Variants in GABRB2 observed in about 807,000 individuals in gnomAD.
The protein encoded by GABRB2 is gamma-aminobutyric acid type A receptor subunit beta2, also known as gamma-aminobutyric acid receptor subunit beta-2.
GABRB2 carries 16 observed loss-of-function variants against 54.7 expected under a neutral mutation model. That is an observed-to-expected ratio of 0.29 (90% CI 0.20 to 0.44). The LOEUF (loss-of-function observed/expected upper bound fraction) is 0.44. Among genes scored for constraint, GABRB2 ranks in the 20% least tolerant of loss-of-function variants. GABRB2 has a pLI of 1.00. For missense variants in GABRB2, 355 were observed against 644.0 expected, an observed-to-expected ratio of 0.55 and a Z score of 4.86; for synonymous variants, 244 against 233.8, an observed-to-expected ratio of 1.04 and a Z score of -0.40.
At chr5:161,546,948 T>A, upstream of GABRB2, 1 of 322,936 alleles carries the variant, frequency 3.1e-6, no homozygotes, top group Non-Finnish European at 5.4e-6. Context: ...ACAAAATAAC[T>A]ACAGCGTCTG....
intron 3 of GABRB2, among the ~76,000 whole-genome samples, chr5:161,513,421 T>C (rs1759838909): frequency 6.6e-6 from 1 of 152,014 alleles, no homozygotes; most frequent in Non-Finnish European, 1.5e-5. Context: ...AAATGTGGTA[T>C]ATATATACAA....
At position 161,290,064 on chromosome 5, in the gene GABRB2, G is replaced by A. The variant is rs1757194967; in HGVS notation, c.*4017C>T. 1 of 152,446 alleles carries A rather than the reference G, an allele frequency of 6.6e-6. No homozygotes were observed. Among genetic ancestry groups the A allele is most frequent in the African/African-American group, 2.4e-5 (1 of 41,386 alleles). The allele number at this position is 152,446 out of a possible 1,614,324, so 9.4% of individuals were successfully genotyped here. ...AAGCCATAAACGGAATTAGCACATT[G>A]CCTTACCATAAAATACAAATTAGAA... On this transcript the variant is annotated 3_prime_UTR_variant, in exon 10 of 10. Coordinates refer to ENST00000393959, the MANE Select transcript of GABRB2 (RefSeq NM_001371727.1).
chr5:161,524,520 T>C (rs2113439260), intron 3 of GABRB2, among the ~76,000 whole-genome samples: 1 of 151,540 alleles, frequency 6.6e-6, no homozygotes, highest in East Asian at 1.9e-4. Flanking sequence ...TGTTGTGACT[T>C]AACAGTTAGC....
chr5:161,387,537 T>C (rs1421510445), intron 5 of GABRB2, among the ~76,000 whole-genome samples: 1 of 152,158 alleles, frequency 6.6e-6, no homozygotes, highest in Non-Finnish European at 1.5e-5. Context: ...GCATGTCCAT[T>C]AAAATCACTG....
At chr5:161,434,058 A>G (rs1393483882) in intron 4 of GABRB2, among the ~76,000 whole-genome samples, 2 of 152,178 alleles carry the variant, frequency 1.3e-5, no homozygotes, top group African/African-American at 4.8e-5. Context: ...AATATTTTCA[A>G]AGAAAAAGCA....
At chr5:161,343,301 T>C (rs1754227328) in intron 5 of GABRB2, among the ~76,000 whole-genome samples, 1 of 151,988 alleles carries the variant, frequency 6.6e-6, no homozygotes, top group Non-Finnish European at 1.5e-5. Context: ...GATTATCTAG[T>C]GGCATCTTAG....
At chr5:161,442,750 C>G (rs945133771) in intron 4 of GABRB2, among the ~76,000 whole-genome samples, 1 of 151,368 alleles carries the variant, frequency 6.6e-6, no homozygotes, top group Non-Finnish European at 1.5e-5. Flanking sequence ...CTTTTCAATT[C>G]TCTCTCTCTC....
intron 5 of GABRB2, among the ~76,000 whole-genome samples, chr5:161,353,845 A>G (rs1005710591): frequency 3.3e-5 from 5 of 152,168 alleles, no homozygotes; most frequent in African/African-American, 9.6e-5. Flanking sequence ...AAAAACCTAA[A>G]GTACTAAAAG....
At chr5:161,532,249 A>G (rs1406332429) in intron 3 of GABRB2, among the ~76,000 whole-genome samples, 1 of 152,140 alleles carries the variant, frequency 6.6e-6, no homozygotes, top group Non-Finnish European at 1.5e-5. Flanking sequence ...GTATACGTGT[A>G]GCATATCTGT....
rs746746993 is a variant in GABRB2, at chr5:161,459,858, A to G, written c.238-14T>C. On this transcript the variant is annotated splice_polypyrimidine_tract_variant and intron_variant, in intron 3 of 9. Transcript: ENST00000393959. ...CAAGGTATAATCCTGTAAATGTGAG[A>G]AAAAAAAACATGGTTAGTTTACACC... 7.2e-6 allele frequency: 11 copies of G among 1,517,766 alleles called. No homozygotes were observed. Among genetic ancestry groups the G allele is most frequent in the Middle Eastern group, 3.4e-4 (2 of 5,848 alleles). 94.0% of individuals were successfully genotyped at this position (1,517,766 alleles called of 1,614,324 possible).
chr5:161,309,692 G>T (rs940434580), intron 9 of GABRB2, among the ~76,000 whole-genome samples: 2 of 151,018 alleles, frequency 1.3e-5, no homozygotes, highest in African/African-American at 2.4e-5. Flanking sequence ...GTGCAGTGGC[G>T]TGATCTCGGC....
chr5:161,322,108 G>A (rs2113382128), intron 9 of GABRB2, among the ~76,000 whole-genome samples: 1 of 152,144 alleles, frequency 6.6e-6, no homozygotes, highest in South Asian at 2.1e-4. Context: ...AGTTAATCAT[G>A]TTCTCCAGGT....
intron 3 of GABRB2, among the ~76,000 whole-genome samples, chr5:161,503,600 C>A (rs1244036797): frequency 6.6e-6 from 1 of 150,460 alleles, no homozygotes; most frequent in African/African-American, 2.4e-5. Context: ...CCCAGCTACT[C>A]GGGAGACTGA....
intron 5 of GABRB2, among the ~76,000 whole-genome samples, chr5:161,362,950 C>T (rs1015436543): frequency 6.6e-6 from 1 of 152,130 alleles, no homozygotes; most frequent in African/African-American, 2.4e-5. Flanking sequence ...TTAGTTCAAA[C>T]ATTATGGAAG....
intron 5 of GABRB2, among the ~76,000 whole-genome samples, chr5:161,400,246 A>C (rs1280840904): frequency 6.6e-6 from 1 of 152,190 alleles, no homozygotes; most frequent in Non-Finnish European, 1.5e-5. Flanking sequence ...TGTTCACATC[A>C]GGTTTCACAA....
At chr5:161,506,274 T>C (rs1581042113) in intron 3 of GABRB2, among the ~76,000 whole-genome samples, 1 of 152,226 alleles carries the variant, frequency 6.6e-6, no homozygotes, top group African/African-American at 2.4e-5. Flanking sequence ...AGTGAAGACA[T>C]ATGAAAAAGA....
At chr5:161,330,059 A>G (rs1478868733) in intron 8 of GABRB2, 1 of 152,204 alleles carries the variant, frequency 6.6e-6, no homozygotes, top group Non-Finnish European at 1.5e-5. Context: ...GCTTTCTCCA[A>G]GAAAATCAAA....
intron 5 of GABRB2, among the ~76,000 whole-genome samples, chr5:161,337,085 G>C (rs1179711892): frequency 6.6e-6 from 1 of 152,094 alleles, no homozygotes; most frequent in Non-Finnish European, 1.5e-5. Context: ...ATAGGAATAG[G>C]TGTAGTTGGG....
At chr5:161,338,275 G>C (rs529566854) in intron 5 of GABRB2, among the ~76,000 whole-genome samples, 11 of 152,240 alleles carry the variant, frequency 7.2e-5, no homozygotes, top group African/African-American at 2.6e-4. Flanking sequence ...TTTTGGAAGA[G>C]TTATAGAGCA....
Sources: gnomAD v4.1 joint callset for allele counts (sites outside exome capture counted in the v4.1 genomes callset) on GRCh38, gnomAD v4.1.1 for gene constraint, MANE v1.5 for transcripts, NCBI Gene and HGNC (gene_info 2026-07-23, HGNC 2026-07-21) for gene names.